NELL1: variants seen among roughly 807,000 people sequenced by gnomAD.
NELL1 encodes neural EGFL like 1.
Under a neutral mutation model 107.4 loss-of-function variants are expected in NELL1, and 76 were observed. That is an observed-to-expected ratio of 0.71 (90% confidence interval 0.59 to 0.86). NELL1 has a LOEUF of 0.86. Ranked by LOEUF, NELL1 falls within the 40% of genes least tolerant of loss-of-function variation. The pLI, the probability that NELL1 is intolerant of heterozygous loss-of-function variation, is 0.00. For missense variants in NELL1, 1,024 were observed against 1,005.5 expected, an observed-to-expected ratio of 1.02 and a Z score of -0.25; for synonymous variants, 353 against 341.2, an observed-to-expected ratio of 1.03 and a Z score of -0.38.
At chr11:21,476,605 G>A (rs77248045) in intron 15 of NELL1, among the ~76,000 whole-genome samples, 1 of 152,088 alleles carries the variant, frequency 6.6e-6, no homozygotes, top group African/African-American at 2.4e-5. Flanking sequence ...TGAACAAAAG[G>A]AGGAACCTTC....
At chr11:21,292,952 A>G (rs1280807475) in intron 14 of NELL1, among the ~76,000 whole-genome samples, 6 of 152,140 alleles carry the variant, frequency 3.9e-5, no homozygotes, top group Non-Finnish European at 5.9e-5. Flanking sequence ...GCTTAAATAT[A>G]AGACCTAAAA....
chr11:21,300,122 C>T (rs926823263), intron 14 of NELL1, among the ~76,000 whole-genome samples: 1 of 151,826 alleles, frequency 6.6e-6, no homozygotes, highest in African/African-American at 2.4e-5. Flanking sequence ...GACTGAAAAC[C>T]CCTGGTGGTA....
intron 13 of NELL1, among the ~76,000 whole-genome samples, chr11:21,175,836 T>A (rs1043119227): frequency 6.6e-6 from 1 of 151,894 alleles, no homozygotes; most frequent in Non-Finnish European, 1.5e-5. Flanking sequence ...TCATAGTCAA[T>A]GAAAAAGTTG....
intron 12 of NELL1, among the ~76,000 whole-genome samples, chr11:21,035,462 G>A (rs1468582910): frequency 7.1e-6 from 1 of 140,686 alleles, no homozygotes; most frequent in East Asian, 2.1e-4. Flanking sequence ...GAACATTGAC[G>A]CAAAAATCCT....
intron 5 of NELL1, among the ~76,000 whole-genome samples, chr11:20,908,156 G>T (rs1850045961): frequency 6.6e-6 from 1 of 152,144 alleles, no homozygotes; most frequent in Non-Finnish European, 1.5e-5. Flanking sequence ...ATTCTTCAAA[G>T]ATATAAAACC....
At chr11:21,414,671 G>C (rs1229118007) in intron 15 of NELL1, among the ~76,000 whole-genome samples, 2 of 152,000 alleles carry the variant, frequency 1.3e-5, no homozygotes, top group Admixed American at 6.6e-5. Flanking sequence ...GTTTTCTTCT[G>C]ATTATGATTT....
chr11:21,091,956 T>A (rs1854531986), intron 12 of NELL1, among the ~76,000 whole-genome samples: 1 of 152,168 alleles, frequency 6.6e-6, no homozygotes, highest in Admixed American at 6.6e-5. Context: ...AAGGCAGAAC[T>A]TTTTTGTGGA....
At chr11:21,530,986 T>C (rs1425770378) in intron 15 of NELL1, among the ~76,000 whole-genome samples, 1 of 152,128 alleles carries the variant, frequency 6.6e-6, no homozygotes, top group African/African-American at 2.4e-5. Flanking sequence ...TAAACCTGCA[T>C]AAAATGTTGT....
chr11:21,042,428 A>G (rs1853257709), intron 12 of NELL1, among the ~76,000 whole-genome samples: 1 of 152,204 alleles, frequency 6.6e-6, no homozygotes, highest in Admixed American at 6.5e-5. Flanking sequence ...TTTGAGAGGC[A>G]ACAGGACAAG....
At chr11:20,864,692 T>G (rs72937236) in intron 4 of NELL1, among the ~76,000 whole-genome samples, 12,123 of 152,304 alleles carry the variant, frequency 0.08, 642 homozygotes, top group South Asian at 0.19. Flanking sequence ...ACACAGGTCT[T>G]CCTTATACAT....
intron 12 of NELL1, among the ~76,000 whole-genome samples, chr11:21,100,967 C>G (rs1854791967): frequency 6.6e-6 from 1 of 151,668 alleles, no homozygotes. Context: ...TTAGGTATAT[C>G]TCCAAATGCT....
chr11:21,284,179 C>G (rs996791053), intron 14 of NELL1: 1 of 451,664 alleles, frequency 2.2e-6, no homozygotes, highest in Non-Finnish European at 4.5e-6. Flanking sequence ...ACAAATCCTT[C>G]AACAACATGT....
intron 2 of NELL1, among the ~76,000 whole-genome samples, chr11:20,714,194 ATTTTTT>A (rs34441596): frequency 6.2e-3 from 380 of 61,770 alleles, no homozygotes; most frequent in African/African-American, 0.022. Flanking sequence ...TATCTCCCCG[ATTTTTT>A]TTTTTTTTTT....
At chr11:20,875,596 A>G (rs1849288770) in intron 4 of NELL1, among the ~76,000 whole-genome samples, 1 of 152,230 alleles carries the variant, frequency 6.6e-6, no homozygotes, top group Non-Finnish European at 1.5e-5. Context: ...TTAAAAAATT[A>G]AAAATAAACA....
At chr11:20,983,778 G>C (rs1181500469) in intron 12 of NELL1, among the ~76,000 whole-genome samples, 2 of 146,902 alleles carry the variant, frequency 1.4e-5, no homozygotes, top group African/African-American at 5.2e-5. Context: ...TGTACACAGA[G>C]TAATCTTTCA....
chr11:21,386,958 T>G (rs1166803073), intron 15 of NELL1, among the ~76,000 whole-genome samples: 1 of 151,862 alleles, frequency 6.6e-6, no homozygotes, highest in East Asian at 1.9e-4. Context: ...ACAGGATTGA[T>G]GTATGCCACT....
intron 2 of NELL1, among the ~76,000 whole-genome samples, chr11:20,714,497 C>A (rs1045841853): frequency 3.3e-5 from 5 of 149,260 alleles, no homozygotes; most frequent in Non-Finnish European, 7.4e-5. Flanking sequence ...CGTGAACCAT[C>A]ATGCCTGGCC....
chr11:21,040,555 A>T lies in NELL1; in HGVS notation c.1301-73034A>T, dbSNP rs527791448. Among the ~76,000 whole-genome samples the T allele has an allele frequency of 1.1e-3, 166 of 152,250 alleles. 1 individual carries two copies. The highest frequency in any genetic ancestry group is 3.9e-3 in the African/African-American group (163 of 41,558). On this transcript the variant is annotated intron_variant, in intron 12 of 19. Transcript: ENST00000357134. Reference sequence around the variant, plus strand: ...AGTCCTGGCTCGGACCCTTCCTGATATGAGCACAAAGAAGGAGCTGGTTTA... The same window carrying T: ...AGTCCTGGCTCGGACCCTTCCTGATTTGAGCACAAAGAAGGAGCTGGTTTA...
chr11:20,982,502 C>G (rs1206957316), intron 12 of NELL1, among the ~76,000 whole-genome samples: 1 of 152,168 alleles, frequency 6.6e-6, no homozygotes, highest in Non-Finnish European at 1.5e-5. Context: ...ATCAAAACCC[C>G]AGGTTCCTTA....
Sources: gnomAD v4.1 joint callset for allele counts (sites outside exome capture counted in the v4.1 genomes callset) on GRCh38, gnomAD v4.1.1 for gene constraint, MANE v1.5 for transcripts, NCBI Gene and HGNC (gene_info 2026-07-23, HGNC 2026-07-21) for gene names.